The following CSMD3 variants were observed in gnomAD, a reference collection of about 807,000 sequenced individuals.
CSMD3 encodes the protein CUB and sushi domain-containing protein 3.
In CSMD3, 177 loss-of-function variants were observed where a neutral mutation model predicts 435.2. The observed-to-expected ratio is 0.41, with a 90% confidence interval of 0.36 to 0.46. The LOEUF (loss-of-function observed/expected upper bound fraction) is 0.46, where lower values mean the gene tolerates loss of function less well. CSMD3 is among the 20% of genes least tolerant of loss of function. The probability of loss-of-function intolerance (pLI) is 0.34; values close to 1 mark genes in which losing one functional copy is unlikely to be tolerated. For missense variants in CSMD3, 4,265 were observed against 4,504.6 expected, an observed-to-expected ratio of 0.95 and a Z score of 1.52; for synonymous variants, 1,656 against 1,520.5, an observed-to-expected ratio of 1.09 and a Z score of -2.07.
chr8:113,044,091 G>A (rs543906382), intron 5 of CSMD3, among the ~76,000 whole-genome samples: 13 of 151,992 alleles, frequency 8.6e-5, no homozygotes, highest in African/African-American at 2.9e-4. Flanking sequence ...TAAAACATAC[G>A]AAGATAACAA....
At chr8:113,293,992 C>A (rs1177709250) in intron 2 of CSMD3, among the ~76,000 whole-genome samples, 1 of 151,874 alleles carries the variant, frequency 6.6e-6, no homozygotes, top group Non-Finnish European at 1.5e-5. Flanking sequence ...ATTCTATCTC[C>A]ATTGAAACCG....
intron 24 of CSMD3, among the ~76,000 whole-genome samples, chr8:112,573,088 C>T (rs1829665571): frequency 6.6e-6 from 1 of 152,048 alleles, no homozygotes; most frequent in Admixed American, 6.6e-5. Context: ...TGTGAAACAA[C>T]CTGAAGTCTT....
intron 12 of CSMD3, among the ~76,000 whole-genome samples, chr8:112,812,283 T>A (rs1282166601): frequency 6.6e-6 from 1 of 152,072 alleles, no homozygotes. Flanking sequence ...ACTTGACTGG[T>A]AAGAGGAAAA....
intron 6 of CSMD3, among the ~76,000 whole-genome samples, chr8:112,998,373 T>A (rs1358695219): frequency 1.3e-5 from 2 of 151,900 alleles, no homozygotes; most frequent in East Asian, 3.9e-4. Flanking sequence ...TCTTCTTTGC[T>A]CGCCTGAACC....
chr8:112,822,643 T>C (rs1020994634), intron 12 of CSMD3, among the ~76,000 whole-genome samples: 6 of 151,010 alleles, frequency 4.0e-5, no homozygotes, highest in Admixed American at 1.3e-4. Context: ...TTATTTCCTC[T>C]CTTTATTTCT....
intron 13 of CSMD3, among the ~76,000 whole-genome samples, chr8:112,733,400 A>T (rs960595155): frequency 6.6e-6 from 1 of 151,798 alleles, no homozygotes. Context: ...TTAAATTAAC[A>T]TTAAGTAAAG....
chr8:112,610,411 C>A (rs1394605633), intron 22 of CSMD3, among the ~76,000 whole-genome samples: 2 of 151,688 alleles, frequency 1.3e-5, no homozygotes, highest in Non-Finnish European at 2.9e-5. Context: ...GCTCCCTGTT[C>A]TTTGGGTCTC....
intron 1 of CSMD3, among the ~76,000 whole-genome samples, chr8:113,400,147 C>G (rs2094503540): frequency 2.0e-5 from 3 of 151,826 alleles, no homozygotes; most frequent in African/African-American, 7.3e-5. Flanking sequence ...AAATAAATTG[C>G]ATAAAAAGTA....
chr8:112,335,344 C>CA lies in CSMD3; in HGVS notation c.7149dup (p.Val2384CysfsTer22), dbSNP rs1230860045. 5 of 1,613,782 alleles carry CA rather than the reference C, an allele frequency of 3.1e-6. No homozygotes were observed. The highest frequency in any genetic ancestry group is 2.2e-5 in the East Asian group (1 of 44,826). ...TAATACCAACCGTGATAACTGAGCA[C>CA]AAAAAAGCCACTTGTTGTGAAATCA... On this transcript the variant is annotated frameshift_variant, in exon 45 of 71. Coordinates refer to ENST00000297405, the MANE Select transcript of CSMD3 (RefSeq NM_198123.2). LOFTEE classifies it high-confidence loss of function.
chr8:112,528,626 A>G, intron 27 of CSMD3, among the ~76,000 whole-genome samples: 1 of 152,140 alleles, frequency 6.6e-6, no homozygotes, highest in East Asian at 1.9e-4. Flanking sequence ...AAAAAACACA[A>G]ATTCAGGAAC....
At chr8:112,247,897 A>C (rs1236524273) in intron 63 of CSMD3, among the ~76,000 whole-genome samples, 1 of 152,152 alleles carries the variant, frequency 6.6e-6, no homozygotes, top group Admixed American at 6.6e-5. Flanking sequence ...AAAAGATAAT[A>C]ACATGATGAG....
chr8:112,464,204 C>T (rs1482922314), intron 32 of CSMD3, among the ~76,000 whole-genome samples: 1 of 150,042 alleles, frequency 6.7e-6, no homozygotes, highest in African/African-American at 2.5e-5. Flanking sequence ...TGCCACTGCA[C>T]TCCAGCCTGG....
At chr8:112,876,212 A>G (rs2081277497) in intron 10 of CSMD3, among the ~76,000 whole-genome samples, 1 of 152,140 alleles carries the variant, frequency 6.6e-6, no homozygotes, top group African/African-American at 2.4e-5. Context: ...TAAAAAGACC[A>G]GGACCAGACA....
At chr8:112,870,361 CG>C (rs1242559835) in intron 10 of CSMD3, among the ~76,000 whole-genome samples, 1 of 151,594 alleles carries the variant, frequency 6.6e-6, no homozygotes. Flanking sequence ...CTCCACCTCC[CG>C]GGTTCACGCC....
chr8:112,492,413 G>A lies in CSMD3; in HGVS notation c.5278+76C>T, dbSNP rs1820786846. 3 of 1,165,990 alleles carry A rather than the reference G, an allele frequency of 2.6e-6. No homozygotes were observed. The South Asian group carries it at 3.7e-5, about 14-fold the overall frequency. The allele number at this position is 1,165,990 out of a possible 1,614,324, so 72.2% of individuals were successfully genotyped here. A position where few individuals can be genotyped will look rare whatever the true frequency, so the allele number is the denominator to read the frequency against. On this transcript the variant is annotated intron_variant, in intron 31 of 70. Coordinates refer to ENST00000297405, the MANE Select transcript of CSMD3 (RefSeq NM_198123.2). ...TTGTATGTGGAATAGTTGATGTTCT[G>A]AAACACAGAAATGTCTTTAAATATT...
At chr8:112,250,139 G>A (rs930774212) in intron 63 of CSMD3, among the ~76,000 whole-genome samples, 2 of 151,650 alleles carry the variant, frequency 1.3e-5, no homozygotes, top group African/African-American at 4.8e-5. Context: ...GGTATATTTG[G>A]GTTATTTCAT....
intron 70 of CSMD3, 113 bp from the exon 71 acceptor site, chr8:112,225,043 T>TCCG (rs1812444621): frequency 9.6e-7 from 1 of 1,040,258 alleles, no homozygotes; most frequent in African/African-American, 1.6e-5. Context: ...AAATATTAAT[T>TCCG]GAGACATCAT....
intron 61 of CSMD3, among the ~76,000 whole-genome samples, chr8:112,261,989 GTC>G (rs1309874075): frequency 1.3e-5 from 2 of 151,782 alleles, no homozygotes; most frequent in Non-Finnish European, 2.9e-5. Flanking sequence ...TCTGTGATTG[GTC>G]TCTGATAATG....
At chr8:112,391,521 G>A (rs530760834) in intron 35 of CSMD3, among the ~76,000 whole-genome samples, 4 of 152,084 alleles carry the variant, frequency 2.6e-5, no homozygotes, top group South Asian at 2.1e-4. Context: ...GTGAAACCCC[G>A]TCTCTACTAA....
Sources: gnomAD v4.1 joint callset for allele counts (sites outside exome capture counted in the v4.1 genomes callset) on GRCh38, gnomAD v4.1.1 for gene constraint, MANE v1.5 for transcripts, NCBI Gene and HGNC (gene_info 2026-07-23, HGNC 2026-07-21) for gene names.